CNTN5: variants seen among roughly 807,000 people sequenced by gnomAD.
The protein encoded by CNTN5 is contactin 5.
CNTN5 carries 77 observed loss-of-function variants against 129.1 expected under a neutral mutation model. That is an observed-to-expected ratio of 0.60 (90% CI 0.50 to 0.72). The LOEUF (loss-of-function observed/expected upper bound fraction) is 0.72. Ranked by LOEUF, CNTN5 falls within the 30% of genes least tolerant of loss-of-function variation. The probability of loss-of-function intolerance (pLI) is 0.00; values close to 1 mark genes in which losing one functional copy is unlikely to be tolerated. For synonymous variants in CNTN5, 509 were observed against 465.6 expected (o/e 1.09, Z -1.20); for missense variants, 1,478 against 1,328.8 (o/e 1.11, Z -1.75).
At chr11:100,299,019 C>G (rs1234640342) in intron 19 of CNTN5, 143 bp from the exon 20 acceptor site, 1 of 522,594 alleles carries the variant, frequency 1.9e-6, no homozygotes, top group Non-Finnish European at 3.3e-6. Context: ...AGTGATTGTA[C>G]TATTTTGGCT....
chr11:100,055,695 T>C (rs1484975841), intron 9 of CNTN5, among the ~76,000 whole-genome samples: 2 of 151,660 alleles, frequency 1.3e-5, no homozygotes, highest in Non-Finnish European at 3.0e-5. Flanking sequence ...ATTATCTGTC[T>C]CCCTCTCTGG....
At chr11:99,987,528 T>TAC (rs1565757824) in intron 8 of CNTN5, among the ~76,000 whole-genome samples, 2 of 65,934 alleles carry the variant, frequency 3.0e-5, no homozygotes, top group Non-Finnish European at 6.1e-5. Flanking sequence ...TTTATGAATA[T>TAC]ATATATATAT....
At chr11:99,537,289 A>T (rs1218416604) in intron 2 of CNTN5, among the ~76,000 whole-genome samples, 1 of 152,188 alleles carries the variant, frequency 6.6e-6, no homozygotes, top group South Asian at 2.1e-4. Flanking sequence ...ATTACAGAAT[A>T]CATATCCTCA....
intron 9 of CNTN5, among the ~76,000 whole-genome samples, chr11:100,047,663 T>C (rs1367387106): frequency 6.6e-6 from 1 of 152,206 alleles, no homozygotes; most frequent in Non-Finnish European, 1.5e-5. Flanking sequence ...AGATGTCAAC[T>C]TGATTGAAAT....
At chr11:100,100,775 C>G (rs1945192505) in intron 13 of CNTN5, among the ~76,000 whole-genome samples, 2 of 152,080 alleles carry the variant, frequency 1.3e-5, no homozygotes, top group Non-Finnish European at 2.9e-5. Context: ...ATTTGGTTAG[C>G]AGATATACTT....
chr11:100,049,921 T>C (rs1438097882), intron 9 of CNTN5, among the ~76,000 whole-genome samples: 2 of 151,966 alleles, frequency 1.3e-5, no homozygotes, highest in Non-Finnish European at 2.9e-5. Flanking sequence ...AAAACCACAA[T>C]GAGATACCAT....
intron 1 of CNTN5, among the ~76,000 whole-genome samples, chr11:99,285,582 T>A (rs1863897768): frequency 6.9e-6 from 1 of 144,600 alleles, no homozygotes; most frequent in African/African-American, 2.6e-5. Context: ...GAGAAGAACA[T>A]TCAAGTTAAA....
At chr11:99,624,920 T>A (rs1790262) in intron 3 of CNTN5, among the ~76,000 whole-genome samples, 92,927 of 151,928 alleles carry the variant, frequency 0.61, 29,299 homozygotes, top group Admixed American at 0.74. Context: ...GCTCAAACCC[T>A]TGCCTGCTAG....
chr11:99,962,570 G>C (rs1591488209), intron 8 of CNTN5, among the ~76,000 whole-genome samples: 2 of 151,276 alleles, frequency 1.3e-5, no homozygotes, highest in African/African-American at 2.4e-5. Flanking sequence ...TTGGACATTT[G>C]GGTTGGTTCC....
intron 8 of CNTN5, among the ~76,000 whole-genome samples, chr11:99,962,933 T>G (rs1318781219): frequency 1.3e-5 from 2 of 150,824 alleles, no homozygotes; most frequent in East Asian, 1.9e-4. Flanking sequence ...TTTTCATGTG[T>G]TTTTTGGCTG....
At chr11:100,351,563 T>C (rs1952412763) in intron 24 of CNTN5, among the ~76,000 whole-genome samples, 1 of 145,974 alleles carries the variant, frequency 6.9e-6, no homozygotes, top group Admixed American at 7.1e-5. Flanking sequence ...CATATCTCCA[T>C]CACCACCATC....
At chr11:99,532,634 T>C (rs988193945) in intron 2 of CNTN5, among the ~76,000 whole-genome samples, 1 of 152,172 alleles carries the variant, frequency 6.6e-6, no homozygotes, top group African/African-American at 2.4e-5. Context: ...GTCTTTCCCA[T>C]GTTATTCTCA....
intron 2 of CNTN5, among the ~76,000 whole-genome samples, chr11:99,469,507 T>C (rs1246665203): frequency 6.6e-6 from 1 of 152,086 alleles, no homozygotes; most frequent in Non-Finnish European, 1.5e-5. Flanking sequence ...CCACTTAACT[T>C]ACTGTATAAT....
At chr11:99,268,704 T>G (rs1025089684) in intron 1 of CNTN5, among the ~76,000 whole-genome samples, 2 of 152,016 alleles carry the variant, frequency 1.3e-5, no homozygotes, top group African/African-American at 4.8e-5. Context: ...AAATATGTGC[T>G]CAAATGTGTT....
chr11:100,170,626 A>T (rs1247484933), intron 13 of CNTN5, among the ~76,000 whole-genome samples: 1 of 151,962 alleles, frequency 6.6e-6, no homozygotes, highest in South Asian at 2.1e-4. Flanking sequence ...AAAAGGGATC[A>T]GTGATTATCT....
intron 2 of CNTN5, among the ~76,000 whole-genome samples, chr11:99,333,467 A>G (rs1866086814): frequency 6.6e-6 from 1 of 152,026 alleles, no homozygotes; most frequent in Admixed American, 6.6e-5. Flanking sequence ...TAATCTACAA[A>G]CAATATCCAT....
At chr11:99,900,696 G>A (rs1949334336) in intron 6 of CNTN5, among the ~76,000 whole-genome samples, 1 of 152,028 alleles carries the variant, frequency 6.6e-6, no homozygotes, top group African/African-American at 2.4e-5. Flanking sequence ...CAAATGATTA[G>A]ATCTTATTTA....
chr11:99,860,044 G>C (rs929074800), intron 6 of CNTN5, among the ~76,000 whole-genome samples: 1 of 152,114 alleles, frequency 6.6e-6, no homozygotes, highest in Non-Finnish European at 1.5e-5. Context: ...ATTCTGACTG[G>C]TGTGAGATGG....
intron 2 of CNTN5, among the ~76,000 whole-genome samples, chr11:99,504,685 T>C (rs975198163): frequency 1.3e-5 from 2 of 152,204 alleles, no homozygotes; most frequent in Non-Finnish European, 2.9e-5. Flanking sequence ...AGGAAGTTAC[T>C]GTAACATCAA....
Sources: allele counts gnomAD v4.1 joint callset (sites outside exome capture counted in the v4.1 genomes callset), GRCh38; gene constraint gnomAD v4.1.1; transcripts MANE v1.5; gene names NCBI Gene and HGNC (gene_info 2026-07-23, HGNC 2026-07-21).